PLPPR1: variants seen among roughly 807,000 people sequenced by gnomAD.
PLPPR1 encodes phospholipid phosphatase related 1, also known as phospholipid phosphatase-related protein type 1.
A neutral mutation model predicts 33.1 loss-of-function variants in PLPPR1; 10 were observed. The observed-to-expected ratio is 0.30, with a 90% confidence interval of 0.19 to 0.51. The LOEUF (loss-of-function observed/expected upper bound fraction) is 0.51. Among genes scored for constraint, PLPPR1 ranks in the 20% least tolerant of loss-of-function variants. The pLI is 0.97. For missense variants in PLPPR1, 304 were observed against 408.1 expected (o/e 0.74, Z 2.20); for synonymous variants, 151 against 151.0 (o/e 1.00, Z 0.00).
intron 2 of PLPPR1, among the ~76,000 whole-genome samples, chr9:101,189,042 A>G (rs991789833): frequency 6.6e-6 from 1 of 152,058 alleles, no homozygotes; most frequent in African/African-American, 2.4e-5. Context: ...AGAGATTCCA[A>G]TTCTGAAGAG....
At chr9:101,287,809 G>A (rs531985079) in intron 4 of PLPPR1, among the ~76,000 whole-genome samples, 3 of 152,184 alleles carry the variant, frequency 2.0e-5, no homozygotes, top group Non-Finnish European at 2.9e-5. Context: ...CCCCTGTAAC[G>A]TATTTCATAG....
At position 101,324,224 on chromosome 9, in the gene PLPPR1, A is replaced by C; in HGVS notation, c.*167A>C. On this transcript the variant is annotated 3_prime_UTR_variant, in exon 8 of 8. Transcript: ENST00000374874. ...TGAGGAAGTGATGTAGCTTGCCCTGATTTTTTTTTTTTTTTTTTGGTCAGC... is the reference window on the plus strand; with the variant it reads ...TGAGGAAGTGATGTAGCTTGCCCTGCTTTTTTTTTTTTTTTTTTGGTCAGC... The C allele has an allele frequency of 2.8e-6, 1 of 357,224 alleles. No homozygotes were observed. The highest frequency in any genetic ancestry group is 4.2e-5 in the East Asian group (1 of 24,088). The allele number at this position is 357,224 out of a possible 1,614,324, so 22.1% of individuals were successfully genotyped here.
At chr9:101,190,826 T>A (rs1473623257) in intron 2 of PLPPR1, among the ~76,000 whole-genome samples, 1 of 152,142 alleles carries the variant, frequency 6.6e-6, no homozygotes, top group African/African-American at 2.4e-5. Context: ...ACAAAGTTTG[T>A]AGATTACAAG....
intron 1 of PLPPR1, among the ~76,000 whole-genome samples, chr9:101,161,778 T>A (rs1831776957): frequency 6.6e-6 from 1 of 152,156 alleles, no homozygotes; most frequent in African/African-American, 2.4e-5. Context: ...ACTGTAAAAG[T>A]TCTTTTCTGA....
At chr9:101,192,666 AAC>A (rs886130965) in intron 2 of PLPPR1, among the ~76,000 whole-genome samples, 36 of 152,012 alleles carry the variant, frequency 2.4e-4, no homozygotes, top group African/African-American at 8.2e-4. Flanking sequence ...AAACCAATGA[AAC>A]ACACACACAC....
At chr9:101,239,780 C>T (rs1369451802) in intron 2 of PLPPR1, among the ~76,000 whole-genome samples, 1 of 151,866 alleles carries the variant, frequency 6.6e-6, no homozygotes, top group Non-Finnish European at 1.5e-5. Context: ...TATTTGAGCT[C>T]CTTGTATATC....
intron 1 of PLPPR1, among the ~76,000 whole-genome samples, chr9:101,162,327 T>G (rs550312275): frequency 6.6e-6 from 1 of 152,298 alleles, no homozygotes; most frequent in Non-Finnish European, 1.5e-5. Context: ...GTCTTGCCTT[T>G]GTCCTAACAC....
rs1477169500 is a variant in PLPPR1, at chr9:101,292,596, G to T, written c.385+6360G>T. ...CATCAGACTAACAGCGGATCTCTTG[G>T]CAGAAACTCTGCAAGCCAGAAGAGA... On this transcript the variant is annotated intron_variant, in intron 4 of 7. Coordinates refer to ENST00000374874, the MANE Select transcript of PLPPR1 (RefSeq NM_207299.2). Among the ~76,000 whole-genome samples, 3 of 136,946 alleles carry T rather than the reference G, an allele frequency of 2.2e-5. No individual in the cohort carries two copies. In the East Asian group the frequency reaches 7.8e-4, roughly 36 times the overall value. 89.8% of individuals were successfully genotyped at this position (136,946 alleles called of 152,430 possible).
intron 2 of PLPPR1, among the ~76,000 whole-genome samples, chr9:101,206,895 A>G (rs1007794282): frequency 1.3e-5 from 2 of 152,082 alleles, no homozygotes; most frequent in Non-Finnish European, 2.9e-5. Flanking sequence ...GTGGACCACC[A>G]GAGAAACCCC....
At chr9:101,256,894 A>G (rs1443151072) in intron 2 of PLPPR1, among the ~76,000 whole-genome samples, 1 of 152,166 alleles carries the variant, frequency 6.6e-6, no homozygotes, top group East Asian at 1.9e-4. Flanking sequence ...TGATGCCTGT[A>G]AACAGGTTGC....
intron 1 of PLPPR1, among the ~76,000 whole-genome samples, chr9:101,056,946 A>G (rs1164005301): frequency 1.3e-5 from 2 of 152,114 alleles, no homozygotes; most frequent in Non-Finnish European, 1.5e-5. Flanking sequence ...TGAGCCTACC[A>G]CATCAGTCAA....
rs983394943 is a variant in PLPPR1 at position 101,116,028 on chromosome 9, T to A, written c.-45-69422T>A. On this transcript the variant is annotated intron_variant, in intron 1 of 7. Coordinates refer to ENST00000374874, the MANE Select transcript of PLPPR1 (RefSeq NM_207299.2). The stretch of plus-strand genomic sequence containing the variant: ...AACATTCTGTAGAAGCACAAAACTT[T>A]CAAGATTCTCTAGGAATTAATACAA... Among the ~76,000 whole-genome samples the A allele has an allele frequency of 1.1e-4, 16 of 152,338 alleles. 1 individual carries two copies. The South Asian group carries it at 3.3e-3, about 32-fold the overall frequency.
chr9:101,101,315 T>C (rs1277997879), intron 1 of PLPPR1, among the ~76,000 whole-genome samples: 1 of 152,140 alleles, frequency 6.6e-6, no homozygotes, highest in African/African-American at 2.4e-5. Context: ...TTGGGTTTTC[T>C]GGCTTTTTAT....
At chr9:101,116,398 G>A (rs1831118753) in intron 1 of PLPPR1, among the ~76,000 whole-genome samples, 1 of 152,134 alleles carries the variant, frequency 6.6e-6, no homozygotes, top group Admixed American at 6.5e-5. Flanking sequence ...ATCAGGTAGC[G>A]GTCCCATATC....
At chr9:101,079,584 T>C (rs1272921312) in intron 1 of PLPPR1, among the ~76,000 whole-genome samples, 1 of 17,350 alleles carries the variant, frequency 5.8e-5, no homozygotes, top group Non-Finnish European at 1.1e-4. Context: ...TTTGATTGCC[T>C]TTTTTTTTTT....
intron 1 of PLPPR1, among the ~76,000 whole-genome samples, chr9:101,077,618 A>G (rs1830555286): frequency 6.6e-6 from 1 of 152,186 alleles, no homozygotes; most frequent in Non-Finnish European, 1.5e-5. Context: ...GGGGGTAGGA[A>G]GCTGACTGGA....
chr9:101,323,633 A>T (rs1321348885), intron 7 of PLPPR1, among the ~76,000 whole-genome samples: 1 of 152,140 alleles, frequency 6.6e-6, no homozygotes, highest in African/African-American at 2.4e-5. Flanking sequence ...TGAGGTCGGG[A>T]GTTCGATACC....
At chr9:101,293,705 T>C (rs1828563556) in intron 4 of PLPPR1, among the ~76,000 whole-genome samples, 1 of 151,948 alleles carries the variant, frequency 6.6e-6, no homozygotes. Flanking sequence ...GAATGACTAC[T>C]GGGTACATAA....
At chr9:101,036,834 A>G (rs1830017183) in intron 1 of PLPPR1, among the ~76,000 whole-genome samples, 1 of 152,134 alleles carries the variant, frequency 6.6e-6, no homozygotes, top group Non-Finnish European at 1.5e-5. Context: ...ACTATGGATT[A>G]TTAACCTCTA....
Sources: allele counts gnomAD v4.1 joint callset (sites outside exome capture counted in the v4.1 genomes callset), GRCh38; gene constraint gnomAD v4.1.1; transcripts MANE v1.5; gene names NCBI Gene and HGNC (gene_info 2026-07-23, HGNC 2026-07-21).